The following ARHGAP9 variants were observed in gnomAD, a reference collection of about 807,000 sequenced individuals.
The protein encoded by ARHGAP9 is Rho GTPase activating protein 9.
ARHGAP9 carries 76 observed loss-of-function variants against 87.3 expected under a neutral mutation model. That is an observed-to-expected ratio of 0.87 (90% CI 0.72 to 1.05). ARHGAP9 has a LOEUF of 1.05. Ranked by LOEUF, ARHGAP9 falls within the 50% of genes least tolerant of loss-of-function variation. The pLI is 0.00. For synonymous variants in ARHGAP9, 382 were observed against 394.9 expected (o/e 0.97, Z 0.39); for missense variants, 941 against 960.5 (o/e 0.98, Z 0.27).
intron 14 of ARHGAP9, 30 bp from the exon 15 acceptor site, chr12:57,474,506 C>T: frequency 6.2e-7 from 1 of 1,614,096 alleles, no homozygotes; most frequent in Non-Finnish European, 8.5e-7. Context: ...AGATCAGGAG[C>T]TAAGACATAC....
upstream of ARHGAP9, among the ~76,000 whole-genome samples, chr12:57,481,234 A>G (rs1874972020): frequency 6.6e-6 from 1 of 151,244 alleles, no homozygotes; most frequent in Non-Finnish European, 1.5e-5. Context: ...CACCATATAT[A>G]TGTCTCTCTC....
chr12:57,473,507 G>A (rs1257887673), intron 17 of ARHGAP9, 96 bp downstream of exon 17: 2 of 1,132,326 alleles, frequency 1.8e-6, no homozygotes, highest in East Asian at 2.4e-5. Context: ...TTAAACTTAG[G>A]TGCTTCCCTA....
At position 57,488,552 on chromosome 12, in the gene ARHGAP9, G is replaced by A. The variant is rs1034451551; in HGVS notation, c.-204+60C>T. 8 of 1,546,076 alleles carry A rather than the reference G, an allele frequency of 5.2e-6. No homozygotes were observed. In the Admixed American group the frequency reaches 5.9e-5, roughly 11 times the overall value. On this transcript the variant is annotated intron_variant, in intron 1 of 20. Transcript: ENST00000393797. ...CATGACAGCCCCCAGGCACCCTTTT[G>A]TGTTCTTAGGAAATCCCTCTCTCCC... is the stretch of plus-strand genomic sequence containing the variant.
At position 57,474,720 on chromosome 12, in the gene ARHGAP9, G is replaced by C; in HGVS notation, c.1652-17C>G. The C allele has an allele frequency of 1.9e-6, 3 of 1,614,006 alleles. No individual in the cohort carries two copies. The South Asian group carries it at 3.3e-5, about 18-fold the overall frequency. On this transcript the variant is annotated splice_polypyrimidine_tract_variant and intron_variant, in intron 13 of 17. Coordinates refer to ENST00000393791, the MANE Select transcript of ARHGAP9 (RefSeq NM_032496.4). ...CATCTAGACCTGGGAGATGAGGAAG[G>C]AGTAGATAAGGACTGCTGCTTGAAA... is the stretch of plus-strand genomic sequence containing the variant.
chr12:57,480,951 T>A, upstream of ARHGAP9: 1 of 942,010 alleles, frequency 1.1e-6, no homozygotes, highest in Non-Finnish European at 1.7e-6. Flanking sequence ...TCTGCCTCAG[T>A]GATCTTCCTA....
At chr12:57,481,733 G>A (rs1486739962), upstream of ARHGAP9, among the ~76,000 whole-genome samples, 5 of 152,220 alleles carry the variant, frequency 3.3e-5, no homozygotes, top group Admixed American at 1.3e-4. Context: ...TCAGTAGCAG[G>A]CAACACAATT....
intron 3 of ARHGAP9, chr12:57,478,128 G>A (rs1012581841): frequency 2.5e-5 from 9 of 353,136 alleles, no homozygotes; most frequent in Non-Finnish European, 3.9e-5. Context: ...GAGACCTGCT[G>A]TAGCCTATCA....
rs1594776485 is a variant in ARHGAP9 at position 57,476,388 on chromosome 12, C to T, written c.1092G>A (p.Pro364=). 6.2e-7 allele frequency: 1 copy of T among 1,614,008 alleles called. No homozygotes were observed. Among genetic ancestry groups the T allele is most frequent in the Non-Finnish European group, 8.5e-7 (1 of 1,180,006 alleles). Residue 364 remains proline, a synonymous_variant, in exon 8 of 18, where the codon CCG becomes CCA. Coordinates refer to ENST00000393791, the MANE Select transcript of ARHGAP9 (RefSeq NM_032496.4). ...CCCAGCCTGAGGAGGGCGCTGTCGG[C>T]GGTGGCTCTCGGTAGAACACCAGGC... ...GNSLVFYREP[P]PTAPSSGWGP... is the part of the protein sequence containing the mutation.
rs953826469 is a variant in ARHGAP9 at position 57,472,284 on chromosome 12, T to C, written c.*233A>G. 1.3e-5 allele frequency: 8 copies of C among 603,400 alleles called. No individual in the cohort carries two copies. The highest frequency in any genetic ancestry group is 2.0e-5 in the Non-Finnish European group (7 of 354,554). 37.4% of individuals were successfully genotyped at this position (603,400 alleles called of 1,614,324 possible). ...TCAGAAAAAATACCATGCCACTTTA[T>C]GTATTATTATGTTGGGGAGGAATGA... On this transcript the variant is annotated 3_prime_UTR_variant, in exon 18 of 18. Coordinates refer to ENST00000393791, the MANE Select transcript of ARHGAP9 (RefSeq NM_032496.4).
chr12:57,479,053 G>A (rs1488301845), intron 2 of ARHGAP9, 38 bp downstream of exon 2: 1 of 1,598,338 alleles, frequency 6.3e-7, no homozygotes, highest in African/African-American at 1.3e-5. Context: ...GTGATGGGAG[G>A]TAGGAAGGTG....
chr12:57,474,275 A>G (rs1872795446), intron 15 of ARHGAP9, 99 bp from the exon 16 acceptor site: 1 of 1,580,584 alleles, frequency 6.3e-7, no homozygotes, highest in Non-Finnish European at 8.6e-7. Context: ...AGCAGACTAT[A>G]GGAATGCCTA....
Position 57,476,106 on chromosome 12 carries a change from C to A in ARHGAP9, c.1177G>T (p.Gly393Cys), listed in dbSNP as rs945194378. Reference sequence around the variant, plus strand: ...TTGCGGCGGCTGGACAGGTGGCGGCCGTGCGCCAGGGCCGCCCCGCGCAGG... The same window carrying A: ...TTGCGGCGGCTGGACAGGTGGCGGCAGTGCGCCAGGGCCGCCCCGCGCAGG... The part of the protein sequence containing the change: ...VDLRGAALAH[G>C]RHLSSRRNVL... Residue 393 changes from glycine (G) to cysteine (C), a missense_variant, in exon 9 of 18, where the codon GGC becomes TGC. Physicochemically the swap from Gly to Cys is radical, Grantham distance 159. Transcript: ENST00000393791. 3.2e-6 allele frequency: 5 copies of A among 1,540,030 alleles called. No individual in the cohort carries two copies. The highest frequency in any genetic ancestry group is 4.4e-6 in the Non-Finnish European group (5 of 1,143,812).
chr12:57,487,780 C>G (rs1484567191), intron 1 of ARHGAP9: 1 of 310,862 alleles, frequency 3.2e-6, no homozygotes, highest in African/African-American at 2.3e-5. Flanking sequence ...ACCCTGGAGG[C>G]AGAGGTTGCA....
upstream of ARHGAP9, among the ~76,000 whole-genome samples, chr12:57,483,107 A>G (rs999327045): frequency 6.6e-6 from 1 of 152,064 alleles, no homozygotes; most frequent in East Asian, 1.9e-4. Context: ...TTAAAACAAA[A>G]CAAAAAAATA....
Position 57,474,155 on chromosome 12 carries a change from C to T in ARHGAP9, c.1805G>A (p.Ser602Asn). The T allele has an allele frequency of 6.2e-7, 1 of 1,613,228 alleles. No homozygotes were observed. The highest frequency in any genetic ancestry group is 1.1e-5 in the South Asian group (1 of 91,054). Residue 602 changes from serine (S) to asparagine (N), a missense_variant, in exon 16 of 18, where the codon AGT becomes AAT. Coordinates refer to ENST00000393791, the MANE Select transcript of ARHGAP9 (RefSeq NM_032496.4). Reference protein sequence around the residue: ...PGQEGRLDLDSTEWDDIHVVT... With the variant: ...PGQEGRLDLDNTEWDDIHVVT... ...CACATGAATGTCATCCCACTCAGTACTGTCCAAATCTAACCGACCTTCTGG... is the reference window on the plus strand; with the variant it reads ...CACATGAATGTCATCCCACTCAGTATTGTCCAAATCTAACCGACCTTCTGG...
rs770668118 is a variant in ARHGAP9 at position 57,475,316 on chromosome 12, G to A, written c.1527C>T (p.Ser509=). The A allele has an allele frequency of 1.9e-6, 3 of 1,600,960 alleles. No homozygotes were observed. The highest frequency in any genetic ancestry group is 3.4e-5 in the Admixed American group (2 of 58,344). The part of the protein sequence containing the change: ...RLIAKRPPLQ[S]LQERGLLRDQ... Reference sequence around the variant, plus strand: ...CTCGGAGCAGACCCCGCTCCTGCAGGCTTTGTAAGGGCGGTCTCTTCGCGA... The same window carrying A: ...CTCGGAGCAGACCCCGCTCCTGCAGACTTTGTAAGGGCGGTCTCTTCGCGA... The change falls in exon 12 of 18, where the codon AGC becomes AGT. Residue 509 remains serine, a synonymous_variant. Coordinates refer to ENST00000393791, the MANE Select transcript of ARHGAP9 (RefSeq NM_032496.4).
At position 57,476,097 on chromosome 12, in the gene ARHGAP9, G is replaced by T; in HGVS notation, c.1186C>A (p.Leu396Met). The T allele has an allele frequency of 6.5e-7, 1 of 1,539,100 alleles. No individual in the cohort carries two copies. Residue 396 changes from leucine (L) to methionine (M), a missense_variant, in exon 9 of 18, where the codon CTG becomes ATG. Leu to Met is a conservative substitution (Grantham distance 15). Coordinates refer to ENST00000393791, the MANE Select transcript of ARHGAP9 (RefSeq NM_032496.4). ...TGCAGGACGTTGCGGCGGCTGGACA[G>T]GTGGCGGCCGTGCGCCAGGGCCGCC... ...RGAALAHGRH[L>M]SSRRNVLHIR...
chr12:57,475,452 C>A, intron 11 of ARHGAP9, 31 bp downstream of exon 11: 1 of 1,579,432 alleles, frequency 6.3e-7, no homozygotes. Context: ...CGCTGCGCTC[C>A]CGGACTCTCC....
chr12:57,472,628 T>C lies in ARHGAP9; in HGVS notation c.2085A>G (p.Gly695=), dbSNP rs1872205387. 1.2e-6 allele frequency: 2 copies of C among 1,614,202 alleles called. No homozygotes were observed. Among genetic ancestry groups the C allele is most frequent in the Non-Finnish European group, 1.7e-6 (2 of 1,180,036 alleles). ...CCTGCTCTGGCCGAAACAGGGTTGG[T>C]CCAAACACAATTCCCAGGTTGTGGG... The part of the protein sequence containing the change: ...MTPHNLGIVF[G]PTLFRPEQET... The change falls in exon 18 of 18, where the codon GGA becomes GGG. Residue 695 remains glycine, a synonymous_variant. Transcript: ENST00000393791.
Sources: allele counts gnomAD v4.1 joint callset (sites outside exome capture counted in the v4.1 genomes callset), GRCh38; gene constraint gnomAD v4.1.1; transcripts MANE v1.5; gene names NCBI Gene and HGNC (gene_info 2026-07-23, HGNC 2026-07-21).